LRP1B: variants seen among roughly 807,000 people sequenced by gnomAD.
The protein encoded by LRP1B is low-density lipoprotein receptor-related protein 1B.
Under a neutral mutation model 556.6 loss-of-function variants are expected in LRP1B, and 217 were observed. The ratio of observed to expected loss-of-function variants is 0.39; its 90% confidence interval spans 0.35 to 0.44. The LOEUF (loss-of-function observed/expected upper bound fraction) is 0.44. Among genes scored for constraint, LRP1B ranks in the 20% least tolerant of loss-of-function variants. The pLI is 1.00. For synonymous variants in LRP1B, 2,047 were observed against 1,865.8 expected, an observed-to-expected ratio of 1.10 and a Z score of -2.50; for missense variants, 5,053 against 5,620.8, an observed-to-expected ratio of 0.90 and a Z score of 3.23.
intron 7 of LRP1B, among the ~76,000 whole-genome samples, chr2:141,186,909 G>A (rs1332929144): frequency 6.6e-6 from 1 of 151,954 alleles, no homozygotes; most frequent in Non-Finnish European, 1.5e-5. Flanking sequence ...GGAAGGATAA[G>A]AGCAGTAGAA....
At chr2:140,515,475 T>C (rs1051530505) in intron 50 of LRP1B, among the ~76,000 whole-genome samples, 2 of 152,050 alleles carry the variant, frequency 1.3e-5, no homozygotes, top group Non-Finnish European at 2.9e-5. Flanking sequence ...CCTCCCCTTC[T>C]ACCCAGTATA....
intron 15 of LRP1B, among the ~76,000 whole-genome samples, chr2:141,004,931 C>T (rs868658163): frequency 1.3e-5 from 2 of 152,024 alleles, no homozygotes; most frequent in South Asian, 2.1e-4. Flanking sequence ...TTCCCTCCCT[C>T]CTTGCTCTTC....
At chr2:140,968,906 A>C (rs1447086368) in intron 18 of LRP1B, among the ~76,000 whole-genome samples, 2 of 152,042 alleles carry the variant, frequency 1.3e-5, no homozygotes, top group African/African-American at 4.8e-5. Flanking sequence ...AGTTTGTTAT[A>C]ATTTCTGTTC....
At chr2:140,575,253 A>G (rs1681474568) in intron 43 of LRP1B, among the ~76,000 whole-genome samples, 1 of 152,178 alleles carries the variant, frequency 6.6e-6, no homozygotes, top group Non-Finnish European at 1.5e-5. Flanking sequence ...AAATGGGAAA[A>G]GTTATCTGCA....
chr2:140,268,732 A>G (rs991996646), intron 86 of LRP1B, among the ~76,000 whole-genome samples: 8 of 151,944 alleles, frequency 5.3e-5, no homozygotes, highest in Admixed American at 5.3e-4. Flanking sequence ...AACACCACAA[A>G]CTGAATCAAG....
chr2:140,618,352 T>C (rs1006001136), intron 41 of LRP1B, among the ~76,000 whole-genome samples: 4 of 151,944 alleles, frequency 2.6e-5, no homozygotes, highest in Non-Finnish European at 4.4e-5. Flanking sequence ...AGAAAACAGA[T>C]GGCACAAGAT....
intron 66 of LRP1B, among the ~76,000 whole-genome samples, chr2:140,414,048 T>C (rs1685075518): frequency 6.6e-6 from 1 of 152,180 alleles, no homozygotes; most frequent in South Asian, 2.1e-4. Flanking sequence ...TACCTGTGAC[T>C]GCAGGTGCAT....
intron 43 of LRP1B, among the ~76,000 whole-genome samples, chr2:140,583,220 G>C (rs569342767): frequency 7.7e-6 from 1 of 129,368 alleles, no homozygotes; most frequent in South Asian, 2.5e-4. Flanking sequence ...CTGTTGCCCA[G>C]GCTGGAGTGA....
At chr2:140,757,328 T>A (rs1322744912) in intron 35 of LRP1B, among the ~76,000 whole-genome samples, 1 of 152,142 alleles carries the variant, frequency 6.6e-6, no homozygotes, top group African/African-American at 2.4e-5. Context: ...AAAACATATG[T>A]CCACACAAAA....
At chr2:140,898,490 A>T in intron 23 of LRP1B, 1 of 239,364 alleles carries the variant, frequency 4.2e-6, no homozygotes, top group Admixed American at 5.0e-5. Context: ...CAGTTTAAGG[A>T]CCGTGGGCTG....
chr2:141,169,021 C>A (rs6722441), intron 7 of LRP1B, among the ~76,000 whole-genome samples: 5,324 of 151,952 alleles, frequency 0.035, 130 homozygotes, highest in African/African-American at 0.07. Context: ...CGCGGTGGCT[C>A]AGGCCTATAA....
In LRP1B at chr2:141,889,976, C is replaced by T. The variant is rs1385716718; in HGVS notation, c.83-79575G>A. Among the ~76,000 whole-genome samples, 9 of 145,548 alleles carry T rather than the reference C, an allele frequency of 6.2e-5. No homozygotes were observed. In the South Asian group the frequency reaches 2.2e-3, roughly 36 times the overall value. On this transcript the variant is annotated intron_variant, in intron 1 of 90. Coordinates refer to ENST00000389484, the MANE Select transcript of LRP1B (RefSeq NM_018557.3). ...AATGCCATTATCTTTCCTTCCCCCT[C>T]ACCCACCCCATATGTGAACAATAGA...
intron 2 of LRP1B, among the ~76,000 whole-genome samples, chr2:141,492,031 A>G (rs1285775103): frequency 2.1e-5 from 3 of 145,436 alleles, no homozygotes; most frequent in Non-Finnish European, 4.5e-5. Flanking sequence ...GGAATTATCA[A>G]TATATAAATC....
intron 2 of LRP1B, among the ~76,000 whole-genome samples, chr2:141,553,921 C>A (rs1312950758): frequency 1.5e-5 from 2 of 131,442 alleles, no homozygotes; most frequent in South Asian, 2.4e-4. Flanking sequence ...TATAATATAT[C>A]TATATTAATA....
At position 140,358,966 on chromosome 2, in the gene LRP1B, A is replaced by C; in HGVS notation, c.11132-20T>G. ...ATTTGACTGAAGAAAAAGAAGAAAA[A>C]ACAAAGAAGCTCCTTCGAGTACATT... is the stretch of plus-strand genomic sequence containing the variant. On this transcript the variant is annotated intron_variant, in intron 72 of 90. Transcript: ENST00000389484. 6.2e-7 allele frequency: 1 copy of C among 1,601,980 alleles called. No homozygotes were observed. The highest frequency in any genetic ancestry group is 8.5e-7 in the Non-Finnish European group (1 of 1,172,430).
chr2:140,304,549 A>G (rs186267217), intron 83 of LRP1B, among the ~76,000 whole-genome samples: 1 of 152,098 alleles, frequency 6.6e-6, no homozygotes, highest in Admixed American at 6.5e-5. Flanking sequence ...TAGATTGTGG[A>G]TTGTAGCACT....
intron 1 of LRP1B, among the ~76,000 whole-genome samples, chr2:142,071,954 CA>C (rs1364598530): frequency 1.1e-4 from 16 of 151,966 alleles, no homozygotes; most frequent in South Asian, 2.1e-4. Context: ...ATTCCAAGTT[CA>C]AAGAAAAGCA....
Position 142,130,859 on chromosome 2 carries a change from A to G in LRP1B, c.-130T>C, listed in dbSNP as rs1707826729. On this transcript the variant is annotated 5_prime_UTR_variant, in exon 1 of 91. Transcript: ENST00000389484. ...GCGTCATTTACAAATGTCACTGGAA[A>G]TTCTTCAGCTCAATGAGTCCAGCCA... The G allele has an allele frequency of 9.3e-6, 7 of 753,616 alleles. No homozygotes were observed. Among genetic ancestry groups the G allele is most frequent in the Non-Finnish European group, 1.6e-5 (7 of 428,872 alleles). 46.7% of individuals were successfully genotyped at this position (753,616 alleles called of 1,614,324 possible).
In LRP1B at chr2:141,131,836, A is replaced by ATT. The variant is rs142553889; in HGVS notation, c.1013+56583_1013+56584dup. On this transcript the variant is annotated intron_variant, in intron 7 of 90. Coordinates refer to ENST00000389484, the MANE Select transcript of LRP1B (RefSeq NM_018557.3). ...TCTCATACTGTTGTCCCCAAACAGCATTTTTTTTTAATTTCCATAGATTTT... is the reference window on the plus strand; with the variant it reads ...TCTCATACTGTTGTCCCCAAACAGCATTTTTTTTTTTAATTTCCATAGATTTT... Among the ~76,000 whole-genome samples, 180 of 150,988 alleles carry ATT rather than the reference A, an allele frequency of 1.2e-3. 1 individual carries two copies. Among genetic ancestry groups the ATT allele is most frequent in the African/African-American group, 4.2e-3 (172 of 41,144 alleles).
Sources: gnomAD v4.1 joint callset for allele counts (sites outside exome capture counted in the v4.1 genomes callset) on GRCh38, gnomAD v4.1.1 for gene constraint, MANE v1.5 for transcripts, NCBI Gene and HGNC (gene_info 2026-07-23, HGNC 2026-07-21) for gene names.